Variants in DMD observed in about 807,000 individuals in gnomAD.
DMD encodes mutant dystrophin.
DMD carries 63 observed loss-of-function variants against 330.1 expected under a neutral mutation model. That is an observed-to-expected ratio of 0.19 (90% CI 0.16 to 0.24). The LOEUF is 0.24. Among genes scored for constraint, DMD ranks in the 10% least tolerant of loss-of-function variants. The pLI, the probability that DMD is intolerant of heterozygous loss-of-function variation, is 1.00. For missense variants in DMD, 3,344 were observed against 2,684.1 expected, an observed-to-expected ratio of 1.25 and a Z score of -5.43; for synonymous variants, 1,223 against 959.8, an observed-to-expected ratio of 1.27 and a Z score of -5.07.
At position 31,788,761 on chromosome X, in the gene DMD, C is replaced by T. The variant is rs148876356; in HGVS notation, c.7310-14569G>A. On this transcript the variant is annotated intron_variant, in intron 50 of 78. Coordinates refer to ENST00000357033, the MANE Select transcript of DMD (RefSeq NM_004006.3). ...TATTTAGGTACTCCAATGTTGGGTG[C>T]ATATATATTTACAATTGTTATACCT... Among the ~76,000 whole-genome samples, 7 of 111,062 alleles carry T rather than the reference C, an allele frequency of 6.3e-5. No individual in the cohort carries two copies. The East Asian group carries it at 2.0e-3, about 31-fold the overall frequency.
chrX:33,017,631 T>C (rs5971680), intron 2 of DMD, among the ~76,000 whole-genome samples: 38,832 of 110,344 alleles, frequency 0.35, 5,617 homozygotes, highest in Non-Finnish European at 0.45. Context: ...TTATATAGTG[T>C]ACTAGTAATA....
intron 7 of DMD, among the ~76,000 whole-genome samples, chrX:32,796,013 A>G (rs886898551): frequency 8.1e-5 from 9 of 111,682 alleles, no homozygotes; most frequent in Admixed American, 4.8e-4. Flanking sequence ...AGTTCAGAAT[A>G]TAAGTCAGTA....
At chrX:32,392,877 CACA>C (rs974587803) in intron 30 of DMD, among the ~76,000 whole-genome samples, 5 of 112,672 alleles carry the variant, frequency 4.4e-5, no homozygotes, top group Non-Finnish European at 7.5e-5. Flanking sequence ...CAGCAACAAT[CACA>C]ACAAGGCTTT....
intron 12 of DMD, among the ~76,000 whole-genome samples, chrX:32,600,050 A>C (rs187107409): frequency 8.9e-6 from 1 of 112,136 alleles, no homozygotes; most frequent in East Asian, 2.8e-4. Context: ...GGCTTAACAA[A>C]ATTTGTTACT....
intron 2 of DMD, among the ~76,000 whole-genome samples, chrX:33,018,698 T>G (rs956554095): frequency 8.9e-6 from 1 of 111,925 alleles, no homozygotes; most frequent in African/African-American, 3.2e-5. Context: ...TATGTTTGTT[T>G]GAAAATATGT....
At chrX:32,925,764 G>T (rs1737897734) in intron 2 of DMD, among the ~76,000 whole-genome samples, 1 of 111,795 alleles carries the variant, frequency 8.9e-6, no homozygotes, top group Non-Finnish European at 1.9e-5. Flanking sequence ...TAATCTTCAA[G>T]AAAAGGCTAC....
intron 13 of DMD, among the ~76,000 whole-genome samples, chrX:32,575,650 G>A (rs1389357916): frequency 8.9e-6 from 1 of 111,883 alleles, no homozygotes. Flanking sequence ...TGCATGTCAG[G>A]TAAAATGGCA....
intron 2 of DMD, among the ~76,000 whole-genome samples, chrX:32,954,237 A>G (rs2091435807): frequency 8.9e-6 from 1 of 112,348 alleles, no homozygotes; most frequent in African/African-American, 3.2e-5. Flanking sequence ...AAAAATTCCA[A>G]TACGATTGCT....
rs1436111490 is a variant in DMD, at chrX:31,723,625, C to G, written c.7660+6006G>C. Among the ~76,000 whole-genome samples the G allele has an allele frequency of 3.7e-5, 3 of 81,510 alleles. No homozygotes were observed. In the East Asian group the frequency reaches 1.0e-3, roughly 28 times the overall value. The allele number at this position is 81,510 out of a possible 115,157, so 70.8% of individuals were successfully genotyped here. A position where few individuals can be genotyped will look rare whatever the true frequency, so the allele number is the denominator to read the frequency against. On this transcript the variant is annotated intron_variant, in intron 52 of 78. Coordinates refer to ENST00000357033, the MANE Select transcript of DMD (RefSeq NM_004006.3). Reference sequence around the variant, plus strand: ...TCATTTACTCCCTTATCCTCCACAACACACACACACACACACACACACACA... The same window carrying G: ...TCATTTACTCCCTTATCCTCCACAAGACACACACACACACACACACACACA...
intron 1 of DMD, among the ~76,000 whole-genome samples, chrX:33,096,871 C>T (rs1270401435): frequency 8.9e-6 from 1 of 112,689 alleles, no homozygotes; most frequent in Non-Finnish European, 1.9e-5. Context: ...ACACAAACTG[C>T]AAGAACAAAT....
intron 67 of DMD, among the ~76,000 whole-genome samples, chrX:31,192,578 G>C (rs918658635): frequency 1.8e-5 from 2 of 111,637 alleles, no homozygotes; most frequent in African/African-American, 3.3e-5. Flanking sequence ...GCCAAGCTTT[G>C]AAATAAGTAC....
intron 11 of DMD, among the ~76,000 whole-genome samples, chrX:32,619,711 C>T (rs942552003): frequency 1.8e-5 from 2 of 111,548 alleles, no homozygotes; most frequent in African/African-American, 6.5e-5. Flanking sequence ...ATAGAACACA[C>T]TCAAATATGT....
chrX:32,328,718 C>A (rs1374680528), intron 41 of DMD, among the ~76,000 whole-genome samples: 2 of 108,645 alleles, frequency 1.8e-5, no homozygotes, highest in African/African-American at 3.3e-5. Flanking sequence ...GGGAACATCA[C>A]AAAAGTTCTG....
intron 63 of DMD, among the ~76,000 whole-genome samples, chrX:31,227,321 T>A (rs922693011): frequency 4.5e-5 from 5 of 111,685 alleles, no homozygotes; most frequent in Admixed American, 2.9e-4. Context: ...GGCATGAATA[T>A]TAGTGTGGAA....
chrX:32,556,514 T>C (rs907320879), intron 16 of DMD, among the ~76,000 whole-genome samples: 4 of 111,533 alleles, frequency 3.6e-5, no homozygotes, highest in African/African-American at 1.3e-4. Flanking sequence ...TGCATGTGTA[T>C]CATTGCAACA....
At chrX:33,010,464 G>A (rs1360304673) in intron 2 of DMD, among the ~76,000 whole-genome samples, 3 of 109,855 alleles carry the variant, frequency 2.7e-5, no homozygotes, top group African/African-American at 9.9e-5. Context: ...GAAACCTTTT[G>A]AGGGCTGACA....
chrX:31,996,793 A>G lies in DMD; in HGVS notation c.6439-28279T>C, dbSNP rs2095589946. ...ACCATGTTGAATTAATTAGTGAGTGAGTGAACAATGAATGTAGAAGTAGAT... is the reference window on the plus strand; with the variant it reads ...ACCATGTTGAATTAATTAGTGAGTGGGTGAACAATGAATGTAGAAGTAGAT... On this transcript the variant is annotated intron_variant, in intron 44 of 78. Transcript: ENST00000357033. Among the ~76,000 whole-genome samples, 3 of 111,235 alleles carry G rather than the reference A, an allele frequency of 2.7e-5. No individual in the cohort carries two copies. In the South Asian group the frequency reaches 1.1e-3, roughly 42 times the overall value.
intron 60 of DMD, among the ~76,000 whole-genome samples, chrX:31,413,332 CAA>C (rs1483407316): frequency 3.6e-5 from 4 of 112,322 alleles, no homozygotes; most frequent in East Asian, 2.8e-4. Context: ...TATATTTGTA[CAA>C]AAGACTTTAA....
At chrX:31,926,901 G>A (rs1273730840) in intron 47 of DMD, among the ~76,000 whole-genome samples, 1 of 111,002 alleles carries the variant, frequency 9.0e-6, no homozygotes, top group African/African-American at 3.3e-5. Flanking sequence ...TCTAACCTTT[G>A]GATGAAGGGT....
Sources: gnomAD v4.1 joint callset for allele counts (sites outside exome capture counted in the v4.1 genomes callset) on GRCh38, gnomAD v4.1.1 for gene constraint, MANE v1.5 for transcripts, NCBI Gene and HGNC (gene_info 2026-07-23, HGNC 2026-07-21) for gene names.